AKAIN1: variants seen among roughly 807,000 people sequenced by gnomAD.
AKAIN1 encodes A-kinase anchor protein inhibitor 1.
In AKAIN1, 3 loss-of-function variants were observed where a neutral mutation model predicts 3.7. The observed-to-expected ratio is 0.82, with a 90% CI of 0.37 to 2.12. The LOEUF (loss-of-function observed/expected upper bound fraction) is 2.12. AKAIN1 is among the 30% of genes most tolerant of loss of function. AKAIN1 has a pLI of 0.06. For synonymous variants in AKAIN1, 31 were observed against 30.8 expected, an observed-to-expected ratio of 1.01 and a Z score of -0.02; for missense variants, 82 against 82.7, an observed-to-expected ratio of 0.99 and a Z score of 0.03.
chr18:5,195,908 C>T (rs559980809), intron 1 of AKAIN1, among the ~76,000 whole-genome samples: 15 of 152,150 alleles, frequency 9.9e-5, no homozygotes, highest in Non-Finnish European at 1.8e-4. Flanking sequence ...CCAGAGCCTA[C>T]AGAAACTCAT....
intron 1 of AKAIN1, among the ~76,000 whole-genome samples, chr18:5,162,784 C>T (rs949533681): frequency 6.6e-6 from 1 of 151,560 alleles, no homozygotes; most frequent in Non-Finnish European, 1.5e-5. Context: ...CTCACTCAGC[C>T]CTGGGATAGG....
At chr18:5,155,505 T>C (rs1033837944) in intron 1 of AKAIN1, among the ~76,000 whole-genome samples, 18 of 152,180 alleles carry the variant, frequency 1.2e-4, no homozygotes, top group Non-Finnish European at 2.6e-4. Context: ...GTTTCTGGCC[T>C]CTCATCCGCG....
intron 1 of AKAIN1, among the ~76,000 whole-genome samples, chr18:5,154,597 G>A (rs2071096673): frequency 6.6e-6 from 1 of 152,020 alleles, no homozygotes; most frequent in Admixed American, 6.5e-5. Flanking sequence ...CCCCTTCTTG[G>A]CCAAGGGGAC....
chr18:5,168,466 C>T (rs1056403762), intron 1 of AKAIN1, among the ~76,000 whole-genome samples: 2 of 151,664 alleles, frequency 1.3e-5, no homozygotes, highest in Non-Finnish European at 2.9e-5. Flanking sequence ...TGAAAGACCA[C>T]GTATCCAGTT....
chr18:5,165,316 G>A (rs574174761), intron 1 of AKAIN1, among the ~76,000 whole-genome samples: 1 of 152,082 alleles, frequency 6.6e-6, no homozygotes, highest in Admixed American at 6.6e-5. Flanking sequence ...TGCTTAACTT[G>A]TAATTGGAGA....
intron 1 of AKAIN1, among the ~76,000 whole-genome samples, chr18:5,165,713 A>C (rs1232053543): frequency 6.6e-6 from 1 of 152,076 alleles, no homozygotes; most frequent in Non-Finnish European, 1.5e-5. Context: ...TCAGGATAGC[A>C]GGTGTAGGCC....
Position 5,197,035 on chromosome 18 carries a change from T to C in AKAIN1, c.16+3A>G. ...CTTGGTGAAAAAGCAAGGTGCGGTG[T>C]ACCTGGAGCGAACACCATGATTTCT... is the stretch of plus-strand genomic sequence containing the variant. On this transcript the variant is annotated splice_donor_region_variant and intron_variant, in intron 1 of 1. Transcript: ENST00000434239. The surrounding 1 kb of genome is among the most constrained non-coding windows in gnomAD (Gnocchi z 6.9). The C allele has an allele frequency of 1.3e-6, 2 of 1,551,102 alleles. No individual in the cohort carries two copies. Among genetic ancestry groups the C allele is most frequent in the Non-Finnish European group, 1.7e-6 (2 of 1,146,524 alleles).
At chr18:5,172,785 A>G (rs1181422012) in intron 1 of AKAIN1, among the ~76,000 whole-genome samples, 7 of 152,000 alleles carry the variant, frequency 4.6e-5, no homozygotes, top group Non-Finnish European at 1.5e-5. Context: ...ATTAATTTAT[A>G]CCATATTTAT....
rs2071036572 is a variant in AKAIN1, at chr18:5,144,253, C to T, written c.*1309G>A. Among the ~76,000 whole-genome samples, 1 of 152,114 alleles carries T rather than the reference C, an allele frequency of 6.6e-6. No homozygotes were observed. Among genetic ancestry groups the T allele is most frequent in the Non-Finnish European group, 1.5e-5 (1 of 68,024 alleles). On this transcript the variant is annotated 3_prime_UTR_variant, in exon 2 of 2. Coordinates refer to ENST00000434239, the MANE Select transcript of AKAIN1 (RefSeq NM_001145194.2). ...GAATTTTAGAAGTATATCTTAATAT[C>T]AGTCACAATTTATACCCGAATACTT...
intron 1 of AKAIN1, among the ~76,000 whole-genome samples, chr18:5,161,297 G>A (rs1007296826): frequency 6.6e-6 from 1 of 151,906 alleles, no homozygotes; most frequent in East Asian, 1.9e-4. Flanking sequence ...TCACATCATA[G>A]TAAATTATAT....
At chr18:5,159,557 T>C (rs886590079) in intron 1 of AKAIN1, among the ~76,000 whole-genome samples, 6 of 152,136 alleles carry the variant, frequency 3.9e-5, no homozygotes, top group Admixed American at 2.0e-4. Flanking sequence ...AAAATAGAAA[T>C]TAATTATAGA....
intron 1 of AKAIN1, among the ~76,000 whole-genome samples, chr18:5,149,881 T>C (rs2071070774): frequency 6.6e-6 from 1 of 152,192 alleles, no homozygotes; most frequent in South Asian, 2.1e-4. Flanking sequence ...GGTCTCACTA[T>C]GTTGACCAGC....
chr18:5,144,062 G>T lies in AKAIN1; in HGVS notation c.*1500C>A, dbSNP rs1377951836. ...ATTCTGCTAAAAGAAATACTTGTGA[G>T]TAAACAATCTTTAAATTTTAAGCCC... On this transcript the variant is annotated 3_prime_UTR_variant, in exon 2 of 2. Coordinates refer to ENST00000434239, the MANE Select transcript of AKAIN1 (RefSeq NM_001145194.2). 6.6e-6 allele frequency among the ~76,000 whole-genome samples: 1 copy of T among 152,168 alleles called. No individual in the cohort carries two copies. The highest frequency in any genetic ancestry group is 6.6e-5 in the Admixed American group (1 of 15,256).
chr18:5,162,103 T>C (rs1012683660), intron 1 of AKAIN1, among the ~76,000 whole-genome samples: 1 of 152,086 alleles, frequency 6.6e-6, no homozygotes, highest in African/African-American at 2.4e-5. Flanking sequence ...GTTAAAGAGA[T>C]TATAAGGACT....
chr18:5,165,874 T>C (rs1258945517), intron 1 of AKAIN1, among the ~76,000 whole-genome samples: 2 of 152,020 alleles, frequency 1.3e-5, no homozygotes, highest in African/African-American at 4.8e-5. Context: ...GTTCCTAGTT[T>C]GGTGGAACCC....
intron 1 of AKAIN1, among the ~76,000 whole-genome samples, chr18:5,158,231 C>T (rs992851921): frequency 2.0e-5 from 3 of 152,120 alleles, no homozygotes; most frequent in African/African-American, 7.2e-5. Flanking sequence ...TTCTTTCTTC[C>T]CCCAATTTCT....
At chr18:5,170,708 A>C (rs1476177037) in intron 1 of AKAIN1, 1 of 152,062 alleles carries the variant, frequency 6.6e-6, no homozygotes, top group South Asian at 2.1e-4. Flanking sequence ...AGTGTCTTTA[A>C]CCTCCCCTTG....
At chr18:5,177,988 A>G (rs1022191631) in intron 1 of AKAIN1, among the ~76,000 whole-genome samples, 2 of 151,824 alleles carry the variant, frequency 1.3e-5, no homozygotes, top group Non-Finnish European at 2.9e-5. Flanking sequence ...CTCAACTGTG[A>G]CTCTTTATCC....
chr18:5,179,662 C>A (rs1397650319), intron 1 of AKAIN1, among the ~76,000 whole-genome samples: 1 of 152,026 alleles, frequency 6.6e-6, no homozygotes, highest in Non-Finnish European at 1.5e-5. Flanking sequence ...GAGCCTGGCA[C>A]ACCTTCATCC....
Sources: gnomAD v4.1 joint callset for allele counts (sites outside exome capture counted in the v4.1 genomes callset) on GRCh38, gnomAD v4.1.1 for gene constraint, Gnocchi (gnomAD v3.1) non-coding constraint, MANE v1.5 for transcripts, NCBI Gene and HGNC (gene_info 2026-07-23, HGNC 2026-07-21) for gene names.